BCAR3: variants seen among roughly 807,000 people sequenced by gnomAD.
BCAR3 encodes the protein BCAR3 adaptor protein, NSP family member.
In BCAR3, 37 loss-of-function variants were observed where a neutral mutation model predicts 80.1. The ratio of observed to expected loss-of-function variants is 0.46; its 90% CI spans 0.36 to 0.61. The LOEUF (loss-of-function observed/expected upper bound fraction) is 0.61. Ranked by LOEUF, BCAR3 falls within the 20% of genes least tolerant of loss-of-function variation. The probability of loss-of-function intolerance (pLI) is 0.00; values close to 1 mark genes in which losing one functional copy is unlikely to be tolerated. For missense variants in BCAR3, 978 were observed against 1,068.2 expected, an observed-to-expected ratio of 0.92 and a Z score of 1.18; for synonymous variants, 389 against 418.9, an observed-to-expected ratio of 0.93 and a Z score of 0.87.
chr1:93,564,091 A>G (rs1233523578), intron 11 of BCAR3, among the ~76,000 whole-genome samples: 2 of 152,000 alleles, frequency 1.3e-5, no homozygotes, highest in Non-Finnish European at 2.9e-5. Flanking sequence ...TGCTTTGAAC[A>G]TCTTTTCATG....
At chr1:93,722,036 C>T (rs1193964000) in intron 2 of BCAR3, among the ~76,000 whole-genome samples, 1 of 152,224 alleles carries the variant, frequency 6.6e-6, no homozygotes, top group African/African-American at 2.4e-5. Context: ...GTCTCAGGGA[C>T]TGTCCTGAGT....
chr1:93,847,793 T>TTTC (rs55958625), upstream of BCAR3: 73,045 of 152,962 alleles, frequency 0.48, 17,725 homozygotes, highest in East Asian at 0.62. Context: ...CTTGCGGTCC[T>TTTC]TTCTTAAGCG....
intron 2 of BCAR3, among the ~76,000 whole-genome samples, chr1:93,736,582 T>C (rs950223987): frequency 2.6e-5 from 4 of 152,190 alleles, no homozygotes; most frequent in African/African-American, 2.4e-5. Flanking sequence ...GACAGAAATA[T>C]GTGTGATTCC....
chr1:93,601,287 A>C (rs1157714793), intron 3 of BCAR3, among the ~76,000 whole-genome samples: 1 of 152,232 alleles, frequency 6.6e-6, no homozygotes, highest in East Asian at 1.9e-4. Context: ...GGTTTTAGAG[A>C]TATCTGGCCC....
intron 2 of BCAR3, among the ~76,000 whole-genome samples, chr1:93,824,981 C>T (rs1259255925): frequency 7.5e-6 from 1 of 133,498 alleles, no homozygotes; most frequent in Non-Finnish European, 1.7e-5. Flanking sequence ...AGCCACCTGC[C>T]TGGGTTTTGT....
intron 11 of BCAR3, among the ~76,000 whole-genome samples, chr1:93,563,038 C>A (rs1254071681): frequency 6.6e-6 from 1 of 152,122 alleles, no homozygotes; most frequent in Non-Finnish European, 1.5e-5. Flanking sequence ...TTCATTGTAC[C>A]TAGGAGTTCG....
intron 5 of BCAR3, among the ~76,000 whole-genome samples, chr1:93,587,839 T>C (rs1429018480): frequency 6.6e-6 from 1 of 152,150 alleles, no homozygotes; most frequent in Non-Finnish European, 1.5e-5. Flanking sequence ...TTTTCCCTCC[T>C]TTCCTTTCCC....
chr1:93,634,444 C>T (rs1675715339), intron 3 of BCAR3, among the ~76,000 whole-genome samples: 1 of 152,080 alleles, frequency 6.6e-6, no homozygotes, highest in Non-Finnish European at 1.5e-5. Flanking sequence ...ATAATCCCAG[C>T]ACTTTGGGAG....
chr1:93,597,403 C>T (rs534735813), intron 3 of BCAR3, among the ~76,000 whole-genome samples: 2 of 152,290 alleles, frequency 1.3e-5, no homozygotes, highest in South Asian at 4.1e-4. Flanking sequence ...CTACATCTTT[C>T]CTATCCCCAG....
At chr1:93,618,643 T>G (rs1165702961) in intron 3 of BCAR3, among the ~76,000 whole-genome samples, 1 of 152,130 alleles carries the variant, frequency 6.6e-6, no homozygotes, top group East Asian at 1.9e-4. Context: ...ACCCCAGAAA[T>G]CTTATATTAC....
At chr1:93,575,678 T>C (rs974589139) in intron 8 of BCAR3, among the ~76,000 whole-genome samples, 3 of 152,176 alleles carry the variant, frequency 2.0e-5, no homozygotes, top group Non-Finnish European at 4.4e-5. Flanking sequence ...CTCCAGGTGC[T>C]GGGGCCCCAG....
chr1:93,583,353 C>A (rs986942557), intron 6 of BCAR3, among the ~76,000 whole-genome samples: 3 of 152,148 alleles, frequency 2.0e-5, no homozygotes, highest in African/African-American at 7.2e-5. Flanking sequence ...AAGGGTGGAT[C>A]CCAGCCAGCT....
chr1:93,799,449 C>T (rs1464394417), intron 2 of BCAR3, among the ~76,000 whole-genome samples: 1 of 152,142 alleles, frequency 6.6e-6, no homozygotes, highest in Non-Finnish European at 1.5e-5. Context: ...TGTCAGTAGC[C>T]AGCTAAGCCT....
At chr1:93,708,057 G>A (rs1649885398) in intron 2 of BCAR3, among the ~76,000 whole-genome samples, 1 of 152,202 alleles carries the variant, frequency 6.6e-6, no homozygotes, top group Non-Finnish European at 1.5e-5. Flanking sequence ...GTGCGGGAGG[G>A]TTCCTCTAGC....
chr1:93,683,959 G>A (rs762508244), upstream of BCAR3, among the ~76,000 whole-genome samples: 24 of 151,952 alleles, frequency 1.6e-4, 1 homozygote, highest in Admixed American at 6.6e-5. Context: ...ACTGTATTGG[G>A]TGTACCATTT....
intron 11 of BCAR3, among the ~76,000 whole-genome samples, 186 bp downstream of exon 11, chr1:93,567,093 G>T (rs929816644): frequency 2.6e-5 from 4 of 152,140 alleles, no homozygotes; most frequent in Non-Finnish European, 5.9e-5. Context: ...CACACAAGGA[G>T]AAACAGGGCA....
At chr1:93,812,940 T>C (rs1169199165) in intron 2 of BCAR3, among the ~76,000 whole-genome samples, 1 of 152,234 alleles carries the variant, frequency 6.6e-6, no homozygotes, top group Non-Finnish European at 1.5e-5. Flanking sequence ...CTATGTCCTT[T>C]TTCATGGCTA....
chr1:93,670,415 C>T (rs1008345627), intron 2 of BCAR3, among the ~76,000 whole-genome samples: 1 of 152,176 alleles, frequency 6.6e-6, no homozygotes, highest in African/African-American at 2.4e-5. Flanking sequence ...GCAGGCAAGG[C>T]TCCATTCTCC....
intron 7 of BCAR3, among the ~76,000 whole-genome samples, chr1:93,576,603 C>T (rs981223596): frequency 6.6e-6 from 1 of 152,242 alleles, no homozygotes; most frequent in Non-Finnish European, 1.5e-5. Flanking sequence ...CAGCTGGCTG[C>T]TATTACCCTT....
Sources: allele counts gnomAD v4.1 joint callset (sites outside exome capture counted in the v4.1 genomes callset), GRCh38; gene constraint gnomAD v4.1.1; transcripts MANE v1.5; gene names NCBI Gene and HGNC (gene_info 2026-07-23, HGNC 2026-07-21).